Variants in GALNT17 observed in about 807,000 individuals in gnomAD.
The protein encoded by GALNT17 is UDP-GalNAc:polypeptide N-acetylgalactosaminyltransferase-like 3.
GALNT17 carries 29 observed loss-of-function variants against 63.7 expected under a neutral mutation model. The observed-to-expected ratio is 0.46, with a 90% confidence interval of 0.34 to 0.62. The LOEUF (loss-of-function observed/expected upper bound fraction) is 0.62, where lower values mean the gene tolerates loss of function less well. GALNT17 is among the 20% of genes least tolerant of loss of function. The pLI is 0.01. For missense variants in GALNT17, 603 were observed against 799.6 expected, an observed-to-expected ratio of 0.75 and a Z score of 2.97; for synonymous variants, 305 against 318.3, an observed-to-expected ratio of 0.96 and a Z score of 0.45.
At chr7:71,298,176 A>G (rs1446359648) in intron 1 of GALNT17, among the ~76,000 whole-genome samples, 1 of 152,086 alleles carries the variant, frequency 6.6e-6, no homozygotes, top group Non-Finnish European at 1.5e-5. Context: ...GTGCGCCACC[A>G]TGCCTGGCCA....
chr7:71,495,607 C>T (rs563732051), intron 5 of GALNT17, among the ~76,000 whole-genome samples: 2 of 152,176 alleles, frequency 1.3e-5, no homozygotes, highest in South Asian at 4.1e-4. Context: ...AGGTCTGATC[C>T]CCAGTGGCCA....
At chr7:71,370,542 T>C (rs1792602380) in intron 2 of GALNT17, among the ~76,000 whole-genome samples, 2 of 152,122 alleles carry the variant, frequency 1.3e-5, no homozygotes, top group African/African-American at 4.8e-5. Context: ...TGGAGTACAG[T>C]TGTGTGATCT....
At chr7:71,162,132 C>CCTTT in intron 1 of GALNT17, among the ~76,000 whole-genome samples, 1 of 125,554 alleles carries the variant, frequency 8.0e-6, no homozygotes, top group Non-Finnish European at 1.6e-5. Context: ...TCCCTTCCTT[C>CCTTT]CTTCCTTCCT....
chr7:71,251,246 G>A (rs59049780), intron 1 of GALNT17, among the ~76,000 whole-genome samples: 8,174 of 151,668 alleles, frequency 0.054, 750 homozygotes, highest in African/African-American at 0.19. Context: ...AATTTGGAAG[G>A]TCCTGGGATT....
chr7:71,414,278 G>A (rs1793484937), intron 3 of GALNT17, among the ~76,000 whole-genome samples: 1 of 152,090 alleles, frequency 6.6e-6, no homozygotes, highest in East Asian at 1.9e-4. Context: ...AATGATATTG[G>A]CTAGTTAGAA....
intron 1 of GALNT17, among the ~76,000 whole-genome samples, chr7:71,192,341 A>T (rs978387673): frequency 6.6e-6 from 1 of 152,050 alleles, no homozygotes; most frequent in Non-Finnish European, 1.5e-5. Flanking sequence ...TGCATCCTTC[A>T]ATCCAATTAA....
At chr7:71,546,595 A>G (rs1788989675) in intron 5 of GALNT17, among the ~76,000 whole-genome samples, 1 of 152,190 alleles carries the variant, frequency 6.6e-6, no homozygotes, top group Non-Finnish European at 1.5e-5. Flanking sequence ...TCAGGTTTGC[A>G]TTTTCATAGC....
At chr7:71,144,944 G>A (rs1489334499) in intron 1 of GALNT17, among the ~76,000 whole-genome samples, 1 of 152,114 alleles carries the variant, frequency 6.6e-6, no homozygotes, top group South Asian at 2.1e-4. Context: ...TAGCCAGGAT[G>A]GTCTTGATCT....
intron 3 of GALNT17, among the ~76,000 whole-genome samples, chr7:71,396,028 A>G (rs1793132370): frequency 6.6e-6 from 1 of 152,186 alleles, no homozygotes; most frequent in Admixed American, 6.5e-5. Context: ...AATTTTTGCA[A>G]ATATGCTTGC....
intron 1 of GALNT17, among the ~76,000 whole-genome samples, chr7:71,247,390 A>C (rs1181148613): frequency 3.3e-5 from 5 of 152,050 alleles, no homozygotes; most frequent in Non-Finnish European, 7.4e-5. Flanking sequence ...AGAGGTGCTT[A>C]CCTCCTTGGC....
chr7:71,578,593 C>G (rs1789577548), intron 6 of GALNT17, among the ~76,000 whole-genome samples: 1 of 152,160 alleles, frequency 6.6e-6, no homozygotes, highest in African/African-American at 2.4e-5. Flanking sequence ...TGTTCCATCT[C>G]AGCCTCTCAA....
chr7:71,680,839 T>C (rs845061), intron 9 of GALNT17, among the ~76,000 whole-genome samples: 49,916 of 137,670 alleles, frequency 0.36, 10,309 homozygotes, highest in African/African-American at 0.53. Context: ...CTTCCTTTCT[T>C]CCTTTCCTTT....
chr7:71,387,636 C>T (rs1263202656), intron 2 of GALNT17, among the ~76,000 whole-genome samples: 1 of 152,016 alleles, frequency 6.6e-6, no homozygotes, highest in African/African-American at 2.4e-5. Flanking sequence ...CCGGGTGGTC[C>T]CTAGTTGAGA....
chr7:71,344,515 C>T (rs1171277013), intron 2 of GALNT17, among the ~76,000 whole-genome samples: 1 of 151,944 alleles, frequency 6.6e-6, no homozygotes, highest in Non-Finnish European at 1.5e-5. Flanking sequence ...CAGTAGATGC[C>T]AGTAAAAGAT....
At chr7:71,523,208 T>A (rs974077138) in intron 5 of GALNT17, among the ~76,000 whole-genome samples, 4 of 152,086 alleles carry the variant, frequency 2.6e-5, no homozygotes, top group African/African-American at 9.7e-5. Flanking sequence ...GGAGAATAGT[T>A]GAGGCCAAGA....
At chr7:71,622,583 C>G (rs1790312134) in intron 6 of GALNT17, among the ~76,000 whole-genome samples, 1 of 152,110 alleles carries the variant, frequency 6.6e-6, no homozygotes, top group Non-Finnish European at 1.5e-5. Flanking sequence ...TGAAGTTTCT[C>G]TTTATGTCAC....
intron 2 of GALNT17, among the ~76,000 whole-genome samples, chr7:71,362,523 C>G (rs934061177): frequency 2.0e-5 from 3 of 152,134 alleles, no homozygotes; most frequent in African/African-American, 7.2e-5. Flanking sequence ...CGCTGGCTTC[C>G]TGCAAATATC....
intron 5 of GALNT17, among the ~76,000 whole-genome samples, chr7:71,493,993 G>A (rs964349896): frequency 6.6e-6 from 1 of 152,054 alleles, no homozygotes; most frequent in African/African-American, 2.4e-5. Context: ...GAGGCAGGGT[G>A]TATTAGTCCA....
intron 6 of GALNT17, among the ~76,000 whole-genome samples, chr7:71,646,002 G>T (rs561881625): frequency 6.6e-6 from 1 of 152,228 alleles, no homozygotes; most frequent in Non-Finnish European, 1.5e-5. Flanking sequence ...CCATGTCCTG[G>T]AATGTCTGAT....
Sources: gnomAD v4.1 joint callset for allele counts (sites outside exome capture counted in the v4.1 genomes callset) on GRCh38, gnomAD v4.1.1 for gene constraint, MANE v1.5 for transcripts, NCBI Gene and HGNC (gene_info 2026-07-23, HGNC 2026-07-21) for gene names.